The following ALG8 variants were observed in gnomAD, a reference collection of about 807,000 sequenced individuals.
The protein encoded by ALG8 is dolichyl pyrophosphate Glc1Man9GlcNAc2 alpha-1,3-glucosyltransferase.
ALG8 carries 48 observed loss-of-function variants against 70.2 expected under a neutral mutation model. The observed-to-expected ratio is 0.68, with a 90% CI of 0.54 to 0.87. ALG8 has a LOEUF of 0.87. ALG8 is among the 40% of genes least tolerant of loss of function. ALG8 has a pLI of 0.00. For synonymous variants in ALG8, 234 were observed against 229.0 expected (o/e 1.02, Z -0.20); for missense variants, 572 against 608.7 (o/e 0.94, Z 0.64).
chr11:78,113,897 A>G lies in ALG8; in HGVS notation c.766T>C (p.Phe256Leu). ...AAAAAAAGGCTTACCAAGGCCAGGA[A>G]AGGACCCAATGAAAGAGCAGAAACT... ...FLVSALSLGPFLALNQLPQVF... is the reference protein window; with the variant it reads ...FLVSALSLGPLLALNQLPQVF... The change falls in exon 7 of 13, where the codon TTC becomes CTC. Residue 256 changes from phenylalanine to leucine, a missense_variant. Coordinates refer to ENST00000299626, the MANE Select transcript of ALG8 (RefSeq NM_024079.5). The G allele has an allele frequency of 6.3e-7, 1 of 1,596,970 alleles. No individual in the cohort carries two copies. Among genetic ancestry groups the G allele is most frequent in the Non-Finnish European group, 8.5e-7 (1 of 1,171,136 alleles).
At position 78,124,143 on chromosome 11, in the gene ALG8, G is replaced by C. The variant is rs1161470983; in HGVS notation, c.246C>G (p.Ala82=). The C allele has an allele frequency of 6.2e-7, 1 of 1,614,062 alleles. No individual in the cohort carries two copies. Among genetic ancestry groups the C allele is most frequent in the Admixed American group, 1.7e-5 (1 of 59,994 alleles). The change falls in exon 3 of 13, where the codon GCC becomes GCG. Residue 82 remains alanine (A), a synonymous_variant. Coordinates refer to ENST00000299626, the MANE Select transcript of ALG8 (RefSeq NM_024079.5). ...AWFEYILSHV[A]KYFDQEMLNV... ...TCAGCATTTCTTGATCAAAATATTT[G>C]GCAACATGTGACAGGATATACTCAA...
At position 78,116,797 on chromosome 11, in the gene ALG8, TC is replaced by T. The variant is rs143522368; in HGVS notation, c.546+2384del. On this transcript the variant is annotated intron_variant, in intron 5 of 12. Transcript: ENST00000299626. ...TTAAATGAGATAACAGTCCTGATGT[TC>T]TGCAGGGGAAACTGCCACAGGGACC... is the stretch of plus-strand genomic sequence containing the variant. 1.5e-3 allele frequency among the ~76,000 whole-genome samples: 236 copies of T among 152,294 alleles called. 2 individuals carry two copies. The East Asian group carries it at 0.032, about 21-fold the overall frequency.
chr11:78,124,276 C>T lies in ALG8; in HGVS notation c.175-62G>A, dbSNP rs1264982215. ...AACTGAATAAACAAAGATGGTGCAACGATTTAAAATTTTTCATTCTCTGGT... is the reference window on the plus strand; with the variant it reads ...AACTGAATAAACAAAGATGGTGCAATGATTTAAAATTTTTCATTCTCTGGT... On this transcript the variant is annotated intron_variant, in intron 2 of 12. Coordinates refer to ENST00000299626, the MANE Select transcript of ALG8 (RefSeq NM_024079.5). 3.2e-6 allele frequency: 5 copies of T among 1,555,358 alleles called. No homozygotes were observed. The Admixed American group carries it at 5.0e-5, about 16-fold the overall frequency.
chr11:78,123,921 A>G, intron 3 of ALG8, 100 bp downstream of exon 3: 10 of 1,331,062 alleles, frequency 7.5e-6, no homozygotes, highest in Non-Finnish European at 1.1e-5. Flanking sequence ...TTGCTATCAT[A>G]TAAACTTTGT....
intron 5 of ALG8, among the ~76,000 whole-genome samples, chr11:78,117,768 A>G (rs1226289432): frequency 6.7e-6 from 1 of 149,968 alleles, no homozygotes; most frequent in Non-Finnish European, 1.5e-5. Context: ...ACAGAGCAAG[A>G]CTCCAACTCT....
intron 8 of ALG8, among the ~76,000 whole-genome samples, chr11:78,110,031 G>A (rs948981814): frequency 2.0e-5 from 3 of 152,114 alleles, no homozygotes; most frequent in African/African-American, 7.2e-5. Flanking sequence ...ATGCGGCTTG[G>A]CCACAATGAA....
intron 12 of ALG8, among the ~76,000 whole-genome samples, chr11:78,101,849 A>T (rs1048670596): frequency 2.0e-5 from 3 of 151,870 alleles, no homozygotes; most frequent in Non-Finnish European, 4.4e-5. Flanking sequence ...TTTAAAAAAA[A>T]TTTTCTTTTT....
Position 78,115,390 on chromosome 11 carries a change from G to C in ALG8, c.547-998C>G, listed in dbSNP as rs563614098. On this transcript the variant is annotated intron_variant, in intron 5 of 12. Transcript: ENST00000299626. ...AAACATAGGCAAGTGATTCCAGCTA[G>C]CTTTTTTTTTGAGACGGAGTTTTGT... Among the ~76,000 whole-genome samples the C allele has an allele frequency of 9.2e-5, 14 of 151,874 alleles. No homozygotes were observed. The East Asian group carries it at 2.3e-3, about 25-fold the overall frequency.
chr11:78,130,924 G>C (rs554766701), intron 1 of ALG8, among the ~76,000 whole-genome samples: 1 of 151,672 alleles, frequency 6.6e-6, no homozygotes, highest in African/African-American at 2.4e-5. Flanking sequence ...CCTTAATTTT[G>C]GCAATAACAT....
intron 2 of ALG8, among the ~76,000 whole-genome samples, chr11:78,124,632 G>A (rs929348681): frequency 6.6e-6 from 1 of 152,120 alleles, no homozygotes; most frequent in Non-Finnish European, 1.5e-5. Flanking sequence ...TTGAAACCTG[G>A]AGATGATAAA....
At chr11:78,136,643 T>C (rs910558113) in intron 1 of ALG8, among the ~76,000 whole-genome samples, 3 of 152,340 alleles carry the variant, frequency 2.0e-5, no homozygotes, top group Admixed American at 6.5e-5. Flanking sequence ...GTTCCATTTA[T>C]AGATCACAGG....
intron 2 of ALG8, among the ~76,000 whole-genome samples, chr11:78,124,740 T>C (rs1055669802): frequency 6.6e-6 from 1 of 152,154 alleles, no homozygotes; most frequent in African/African-American, 2.4e-5. Flanking sequence ...ATTTGTAAAA[T>C]GAGGTATTAT....
rs773719658 is a variant in ALG8, at chr11:78,124,329, G to A, written c.175-115C>T. The A allele has an allele frequency of 1.3e-4, 144 of 1,077,314 alleles. No individual in the cohort carries two copies. The South Asian group carries it at 1.7e-3, about 13-fold the overall frequency. 66.7% of individuals were successfully genotyped at this position (1,077,314 alleles called of 1,614,324 possible). On this transcript the variant is annotated intron_variant, in intron 2 of 12. Coordinates refer to ENST00000299626, the MANE Select transcript of ALG8 (RefSeq NM_024079.5). Reference sequence around the variant, plus strand: ...TTAAAACAGCACAATAAGGCTGGGCGTGGTAGCTCACACCTGTAACCCCAG... The same window carrying A: ...TTAAAACAGCACAATAAGGCTGGGCATGGTAGCTCACACCTGTAACCCCAG...
At chr11:78,117,426 G>A (rs2136911435) in intron 5 of ALG8, among the ~76,000 whole-genome samples, 1 of 152,204 alleles carries the variant, frequency 6.6e-6, no homozygotes. Context: ...ATATATGTAA[G>A]CCAGGTGTGG....
chr11:78,124,657 G>A (rs1410979544), intron 2 of ALG8, among the ~76,000 whole-genome samples: 1 of 152,060 alleles, frequency 6.6e-6, no homozygotes, highest in East Asian at 1.9e-4. Flanking sequence ...GTTATGACAT[G>A]GTTCTACTCA....
intron 8 of ALG8, 173 bp downstream of exon 8, chr11:78,112,477 C>T: frequency 1.2e-6 from 1 of 831,974 alleles, no homozygotes; most frequent in South Asian, 1.5e-5. Flanking sequence ...CTGTTTACTG[C>T]ACTAAAGCCT....
At chr11:78,127,497 C>T in intron 1 of ALG8, 61 bp from the exon 2 acceptor site, 1 of 1,431,212 alleles carries the variant, frequency 7.0e-7, no homozygotes, top group Non-Finnish European at 9.8e-7. Context: ...TTTCTAATTC[C>T]CATAGTTATG....
chr11:78,130,456 T>C (rs1861263321), intron 1 of ALG8, among the ~76,000 whole-genome samples: 1 of 152,006 alleles, frequency 6.6e-6, no homozygotes, highest in Admixed American at 6.6e-5. Flanking sequence ...TATTGATCTA[T>C]ATGCTTTTTA....
At chr11:78,124,311 A>G in intron 2 of ALG8, 97 bp from the exon 3 acceptor site, 1 of 1,276,866 alleles carries the variant, frequency 7.8e-7, no homozygotes, top group Non-Finnish European at 1.1e-6. Flanking sequence ...TCTTTAAAAC[A>G]GCACAATAAG....
Sources: gnomAD v4.1 joint callset for allele counts (sites outside exome capture counted in the v4.1 genomes callset) on GRCh38, gnomAD v4.1.1 for gene constraint, MANE v1.5 for transcripts, NCBI Gene and HGNC (gene_info 2026-07-23, HGNC 2026-07-21) for gene names.